The following DENND4A variants were observed in gnomAD, a reference collection of about 807,000 sequenced individuals.
The protein encoded by DENND4A is C-myc promoter-binding protein.
Under a neutral mutation model 199.3 loss-of-function variants are expected in DENND4A, and 70 were observed. That is an observed-to-expected ratio of 0.35 (90% CI 0.29 to 0.43). DENND4A has a LOEUF of 0.43. Ranked by LOEUF, DENND4A falls within the 20% of genes least tolerant of loss-of-function variation. DENND4A has a pLI of 1.00. For synonymous variants in DENND4A, 686 were observed against 766.9 expected, an observed-to-expected ratio of 0.89 and a Z score of 1.74; for missense variants, 1,723 against 2,255.8, an observed-to-expected ratio of 0.76 and a Z score of 4.78.
chr15:65,744,110 G>A (rs1475587070), intron 4 of DENND4A, among the ~76,000 whole-genome samples: 1 of 151,996 alleles, frequency 6.6e-6, no homozygotes, highest in South Asian at 2.1e-4. Flanking sequence ...AATAAGGGTA[G>A]CAACAGTGGG....
chr15:65,699,267 G>A (rs991470331), intron 20 of DENND4A, among the ~76,000 whole-genome samples: 7 of 152,148 alleles, frequency 4.6e-5, no homozygotes, highest in Admixed American at 2.0e-4. Context: ...CATTTGCAGA[G>A]ATAGGGGCCT....
At chr15:65,734,862 G>C (rs1289829476) in intron 7 of DENND4A, among the ~76,000 whole-genome samples, 1 of 152,010 alleles carries the variant, frequency 6.6e-6, no homozygotes, top group Non-Finnish European at 1.5e-5. Context: ...CGAGTGAATT[G>C]ATTGAGCCTA....
intron 23 of DENND4A, among the ~76,000 whole-genome samples, chr15:65,685,756 T>A (rs1387109195): frequency 6.6e-6 from 1 of 152,238 alleles, no homozygotes; most frequent in Non-Finnish European, 1.5e-5. Flanking sequence ...AGATATCCAA[T>A]TATCTCAGCA....
At chr15:65,762,393 G>A (rs2140769989) in intron 1 of DENND4A, among the ~76,000 whole-genome samples, 1 of 152,262 alleles carries the variant, frequency 6.6e-6, no homozygotes, top group African/African-American at 2.4e-5. Context: ...AGAGGCCAAG[G>A]CAGGAGGATT....
At chr15:65,727,789 T>G in intron 11 of DENND4A, 1 of 382,674 alleles carries the variant, frequency 2.6e-6, no homozygotes, top group Non-Finnish European at 5.0e-6. Flanking sequence ...TAAGTATGAT[T>G]AAATTTAAAA....
At chr15:65,723,154 C>T (rs767652929) in intron 11 of DENND4A, among the ~76,000 whole-genome samples, 12 of 152,064 alleles carry the variant, frequency 7.9e-5, no homozygotes, top group Non-Finnish European at 1.6e-4. Flanking sequence ...GAGGGTAGAA[C>T]CTTGTATTAA....
chr15:65,663,198 A>ATAT (rs1491239096), intron 32 of DENND4A, among the ~76,000 whole-genome samples: 22 of 112,334 alleles, frequency 2.0e-4, no homozygotes, highest in East Asian at 1.4e-3. Context: ...ATATATATAT[A>ATAT]TTTTTTTTTT....
At chr15:65,709,719 A>AAAAAAATATATATATAT (rs1218030026) in intron 14 of DENND4A, among the ~76,000 whole-genome samples, 4 of 51,472 alleles carry the variant, frequency 7.8e-5, no homozygotes, top group African/African-American at 1.0e-4. Flanking sequence ...AAAAAAAAAA[A>AAAAAAATATATATATAT]ATATATATAT....
chr15:65,771,539 A>G, intron 1 of DENND4A: 1 of 1,612,130 alleles, frequency 6.2e-7, no homozygotes, highest in Non-Finnish European at 8.5e-7. Context: ...GAGGATCAAT[A>G]CAATTATGGG....
At chr15:65,769,953 T>C (rs1399016936) in intron 1 of DENND4A, among the ~76,000 whole-genome samples, 1 of 152,150 alleles carries the variant, frequency 6.6e-6, no homozygotes, top group Non-Finnish European at 1.5e-5. Context: ...AGCTGTTTTT[T>C]TTTTCTAATT....
intron 1 of DENND4A, among the ~76,000 whole-genome samples, chr15:65,774,260 G>A (rs2077217808): frequency 6.6e-6 from 1 of 152,200 alleles, no homozygotes; most frequent in Non-Finnish European, 1.5e-5. Context: ...GGAGGCCAAG[G>A]AGGGTGGCTC....
chr15:65,746,445 G>T (rs1183277003), intron 4 of DENND4A, among the ~76,000 whole-genome samples: 1 of 119,764 alleles, frequency 8.3e-6, no homozygotes, highest in Non-Finnish European at 1.6e-5. Context: ...GTAGTGCAGT[G>T]GCATGATCTC....
At position 65,676,514 on chromosome 15, in the gene DENND4A, T is replaced by C; in HGVS notation, c.4300A>G (p.Ser1434Gly). The change falls in exon 24 of 33, where the codon AGT (serine) becomes GGT (glycine). Residue 1434 changes from serine to glycine, a missense_variant. Ser to Gly is a moderately conservative substitution (Grantham distance 56, BLOSUM62 0). Transcript: ENST00000443035. ...LEGPISSQET[S>G]ATSGTKRIDL... ...ATTCTCTTAGTCCCTGAAGTAGCACTGGTCTCTTGAGAGGAGATAGGTCCT... is the reference window on the plus strand; with the variant it reads ...ATTCTCTTAGTCCCTGAAGTAGCACCGGTCTCTTGAGAGGAGATAGGTCCT... 1.2e-6 allele frequency: 2 copies of C among 1,613,816 alleles called. No homozygotes were observed. Among genetic ancestry groups the C allele is most frequent in the Non-Finnish European group, 1.7e-6 (2 of 1,179,796 alleles).
At chr15:65,670,694 G>A (rs2076188889) in intron 25 of DENND4A, among the ~76,000 whole-genome samples, 1 of 152,188 alleles carries the variant, frequency 6.6e-6, no homozygotes, top group Middle Eastern at 3.4e-3. Flanking sequence ...TGACAGATTA[G>A]AAATTAAACA....
At chr15:65,693,611 C>T (rs868326260) in intron 22 of DENND4A, among the ~76,000 whole-genome samples, 1 of 151,556 alleles carries the variant, frequency 6.6e-6, no homozygotes, top group Admixed American at 6.6e-5. Context: ...AATGCACCCT[C>T]TCAATTCCTC....
intron 4 of DENND4A, among the ~76,000 whole-genome samples, chr15:65,746,369 C>CTCTCTCTT (rs2076392238): frequency 7.8e-5 from 4 of 51,268 alleles, no homozygotes; most frequent in African/African-American, 2.8e-4. Context: ...ACTTTTTTCT[C>CTCTCTCTT]TTTTTTTTTT....
intron 23 of DENND4A, among the ~76,000 whole-genome samples, chr15:65,683,275 C>T (rs1342015702): frequency 6.6e-6 from 1 of 152,136 alleles, no homozygotes; most frequent in Admixed American, 6.5e-5. Flanking sequence ...TGATTGTGTT[C>T]TCTTTTTCTA....
intron 23 of DENND4A, among the ~76,000 whole-genome samples, chr15:65,679,015 C>T (rs1468787308): frequency 1.3e-5 from 2 of 151,346 alleles, no homozygotes; most frequent in Non-Finnish European, 2.9e-5. Context: ...TTTTCCTTGC[C>T]TTCTGGTATT....
At chr15:65,715,403 T>C in intron 14 of DENND4A, 75 bp downstream of exon 14, 2 of 1,359,310 alleles carry the variant, frequency 1.5e-6, no homozygotes, top group Non-Finnish European at 2.0e-6. Context: ...AAGCTGTACA[T>C]AGAAACTATA....
Sources: allele counts gnomAD v4.1 joint callset (sites outside exome capture counted in the v4.1 genomes callset), GRCh38; gene constraint gnomAD v4.1.1; transcripts MANE v1.5; gene names NCBI Gene and HGNC (gene_info 2026-07-23, HGNC 2026-07-21).